TBCEL: variants seen among roughly 807,000 people sequenced by gnomAD.
TBCEL encodes the protein tubulin-specific chaperone cofactor E-like protein.
In TBCEL, 15 loss-of-function variants were observed where a neutral mutation model predicts 44.2. The observed-to-expected ratio is 0.34, with a 90% CI of 0.23 to 0.52. TBCEL has a LOEUF of 0.52. Ranked by LOEUF, TBCEL falls within the 20% of genes least tolerant of loss-of-function variation. TBCEL has a pLI of 0.95. For missense variants in TBCEL, 319 were observed against 506.3 expected (o/e 0.63, Z 3.55); for synonymous variants, 171 against 185.4 (o/e 0.92, Z 0.63).
chr11:121,071,976 C>T (rs751263343), intron 8 of TBCEL, among the ~76,000 whole-genome samples: 1 of 152,092 alleles, frequency 6.6e-6, no homozygotes, highest in African/African-American at 2.4e-5. Flanking sequence ...TGACAAGGGC[C>T]GTGACACAGC....
chr11:121,088,351 T>C lies in TBCEL; in HGVS notation c.*1255T>C, dbSNP rs1218500266. The C allele has an allele frequency of 6.6e-6, 1 of 152,222 alleles. No homozygotes were observed. The highest frequency in any genetic ancestry group is 2.4e-5 in the African/African-American group (1 of 41,464). 9.4% of individuals were successfully genotyped at this position (152,222 alleles called of 1,614,324 possible). ...AGTGTAAGTGTCAAAACTTTACAAT[T>C]GCCTCCAAGTCATATTTTTTGCAGA... On this transcript the variant is annotated 3_prime_UTR_variant, in exon 9 of 9. Coordinates refer to ENST00000683345, the MANE Select transcript of TBCEL (RefSeq NM_001363644.2).
chr11:121,052,991 A>T (rs1020891131), intron 4 of TBCEL, among the ~76,000 whole-genome samples: 97 of 148,658 alleles, frequency 6.5e-4, no homozygotes, highest in African/African-American at 2.3e-3. Context: ...ATAGTTACGG[A>T]TTTTTTTTTT....
intron 8 of TBCEL, among the ~76,000 whole-genome samples, chr11:121,064,852 AGT>A (rs1161092904): frequency 6.6e-6 from 1 of 151,812 alleles, no homozygotes; most frequent in East Asian, 1.9e-4. Context: ...TTTGAGGAGG[AGT>A]CTCACTCTGT....
At chr11:121,081,538 C>T (rs1411771309) in intron 8 of TBCEL, among the ~76,000 whole-genome samples, 1 of 152,138 alleles carries the variant, frequency 6.6e-6, no homozygotes, top group Non-Finnish European at 1.5e-5. Context: ...AAACCATCTA[C>T]CTCTTCAGAG....
chr11:121,035,310 A>G (rs768646361), intron 1 of TBCEL: 3 of 152,106 alleles, frequency 2.0e-5, no homozygotes, highest in Non-Finnish European at 4.4e-5. Context: ...GACTTAGAGA[A>G]CTTAAGTAAC....
At chr11:121,045,542 G>A in intron 2 of TBCEL, 132 bp from the exon 3 acceptor site, 1 of 647,050 alleles carries the variant, frequency 1.5e-6, no homozygotes. Flanking sequence ...ATGTTTCTGG[G>A]GTCAGTAACT....
At chr11:121,040,792 G>T (rs1233780063) in intron 2 of TBCEL, among the ~76,000 whole-genome samples, 1 of 152,012 alleles carries the variant, frequency 6.6e-6, no homozygotes, top group Admixed American at 6.6e-5. Flanking sequence ...ATTTCAAAAA[G>T]ATGATGTATG....
At chr11:121,085,596 A>G (rs564560213) in intron 8 of TBCEL, among the ~76,000 whole-genome samples, 3 of 152,356 alleles carry the variant, frequency 2.0e-5, no homozygotes, top group Non-Finnish European at 4.4e-5. Context: ...AGACAGAGCC[A>G]GGGCTATTTT....
chr11:121,079,511 G>T (rs553789189), intron 8 of TBCEL, among the ~76,000 whole-genome samples: 1 of 152,222 alleles, frequency 6.6e-6, no homozygotes, highest in South Asian at 2.1e-4. Flanking sequence ...TGAGGCTTTG[G>T]GTTAACAAAC....
At chr11:121,067,975 A>T (rs1945851723) in intron 8 of TBCEL, among the ~76,000 whole-genome samples, 1 of 152,168 alleles carries the variant, frequency 6.6e-6, no homozygotes, top group South Asian at 2.1e-4. Flanking sequence ...GGCCCTCTTC[A>T]TGTTCCCAAC....
chr11:121,082,572 G>C lies in TBCEL; in HGVS notation c.957-4206G>C, dbSNP rs17124754. ...TGGGTATTACGTGATTTTAAGTAGAGGAGTGATGTGATACAATTTGTGCTT... is the reference window on the plus strand; with the variant it reads ...TGGGTATTACGTGATTTTAAGTAGACGAGTGATGTGATACAATTTGTGCTT... On this transcript the variant is annotated intron_variant, in intron 8 of 8. Transcript: ENST00000683345. Among the ~76,000 whole-genome samples the C allele has an allele frequency of 3.9e-3, 593 of 152,308 alleles. 5 individuals carry two copies. Among genetic ancestry groups the C allele is most frequent in the African/African-American group, 0.013 (555 of 41,562 alleles).
intron 8 of TBCEL, among the ~76,000 whole-genome samples, chr11:121,072,286 G>A (rs1371605375): frequency 1.3e-5 from 2 of 152,128 alleles, no homozygotes; most frequent in Non-Finnish European, 2.9e-5. Flanking sequence ...TTTCTTTGCT[G>A]TCTGAACTTT....
chr11:121,072,166 C>T (rs1186485269), intron 8 of TBCEL, among the ~76,000 whole-genome samples: 1 of 152,148 alleles, frequency 6.6e-6, no homozygotes, highest in East Asian at 1.9e-4. Context: ...CAGCAGAAGG[C>T]AAACTACCTT....
intron 8 of TBCEL, among the ~76,000 whole-genome samples, chr11:121,078,495 C>A (rs1200071390): frequency 1.3e-5 from 2 of 152,152 alleles, no homozygotes; most frequent in African/African-American, 4.8e-5. Context: ...TCTTAAGCAC[C>A]AAGTGATTTA....
intron 8 of TBCEL, among the ~76,000 whole-genome samples, chr11:121,066,152 C>CAA (rs1399972255): frequency 6.6e-6 from 1 of 152,216 alleles, no homozygotes; most frequent in Non-Finnish European, 1.5e-5. Context: ...TCTCGCTATA[C>CAA]AAACAATATG....
intron 2 of TBCEL, among the ~76,000 whole-genome samples, chr11:121,038,786 G>GT (rs879294503): frequency 1.3e-5 from 2 of 151,686 alleles, no homozygotes; most frequent in Non-Finnish European, 2.9e-5. Flanking sequence ...CTTAATCCTA[G>GT]TTTTTTTTCC....
chr11:121,070,865 G>A (rs1428615481), intron 8 of TBCEL, among the ~76,000 whole-genome samples: 1 of 150,704 alleles, frequency 6.6e-6, no homozygotes, highest in African/African-American at 2.4e-5. Context: ...AGCTGAGAGA[G>A]ACCCAGAGAC....
At chr11:121,082,071 A>G (rs1018332549) in intron 8 of TBCEL, among the ~76,000 whole-genome samples, 1 of 152,254 alleles carries the variant, frequency 6.6e-6, no homozygotes, top group African/African-American at 2.4e-5. Flanking sequence ...AAGGAACCAG[A>G]TCATGGAGGG....
At chr11:121,039,939 G>T (rs1945301480) in intron 2 of TBCEL, among the ~76,000 whole-genome samples, 1 of 152,172 alleles carries the variant, frequency 6.6e-6, no homozygotes, top group African/African-American at 2.4e-5. Context: ...ATGGGTCCTT[G>T]TCAAATAACT....
Sources: gnomAD v4.1 joint callset for allele counts (sites outside exome capture counted in the v4.1 genomes callset) on GRCh38, gnomAD v4.1.1 for gene constraint, MANE v1.5 for transcripts, NCBI Gene and HGNC (gene_info 2026-07-23, HGNC 2026-07-21) for gene names.